Variants in ANO3 observed in about 807,000 individuals in gnomAD.
ANO3 encodes the protein anoctamin-3.
ANO3 carries 99 observed loss-of-function variants against 144.8 expected under a neutral mutation model. That is an observed-to-expected ratio of 0.68 (90% confidence interval 0.58 to 0.81). The LOEUF is 0.81. Ranked by LOEUF, ANO3 falls within the 30% of genes least tolerant of loss-of-function variation. The pLI is 0.00. For missense variants in ANO3, 905 were observed against 1,202.2 expected (o/e 0.75, Z 3.66); for synonymous variants, 414 against 392.6 (o/e 1.05, Z -0.64).
At chr11:26,300,309 T>G (rs1248672414) in intron 1 of ANO3, among the ~76,000 whole-genome samples, 1 of 152,034 alleles carries the variant, frequency 6.6e-6, no homozygotes, top group East Asian at 1.9e-4. Context: ...TTGTTTTACA[T>G]CTTTCCTATG....
intron 1 of ANO3, among the ~76,000 whole-genome samples, chr11:26,353,762 G>A (rs570379200): frequency 1.2e-4 from 19 of 152,156 alleles, no homozygotes; most frequent in Admixed American, 7.2e-4. Context: ...TAGAGACAGC[G>A]TTTCATCATG....
intron 1 of ANO3, among the ~76,000 whole-genome samples, chr11:26,324,274 A>T (rs1854831308): frequency 2.0e-5 from 3 of 152,146 alleles, no homozygotes; most frequent in Non-Finnish European, 4.4e-5. Flanking sequence ...ATGTTTGTGG[A>T]GCTGGGCATA....
chr11:26,612,440 T>G (rs1053026173), intron 17 of ANO3, among the ~76,000 whole-genome samples: 5 of 151,522 alleles, frequency 3.3e-5, no homozygotes, highest in Admixed American at 6.6e-5. Flanking sequence ...TACTTCTTCA[T>G]CTATTAGGTG....
At chr11:26,386,557 T>C (rs1318552897) in intron 1 of ANO3, among the ~76,000 whole-genome samples, 1 of 152,178 alleles carries the variant, frequency 6.6e-6, no homozygotes, top group Non-Finnish European at 1.5e-5. Context: ...TATATTCGCA[T>C]CACCATGTTG....
intron 1 of ANO3, among the ~76,000 whole-genome samples, chr11:26,211,729 A>C (rs11029392): frequency 0.049 from 7,428 of 152,292 alleles, 583 homozygotes; most frequent in African/African-American, 0.17. Flanking sequence ...CCAGAGGATT[A>C]TAAATCATTC....
intron 14 of ANO3, among the ~76,000 whole-genome samples, chr11:26,585,993 T>C (rs993832821): frequency 1.2e-4 from 18 of 152,206 alleles, no homozygotes; most frequent in African/African-American, 4.1e-4. Flanking sequence ...AATGACAGCA[T>C]TATTTCTCCT....
At position 26,483,731 on chromosome 11, in the gene ANO3, G is replaced by A. The variant is rs562772060; in HGVS notation, c.432+20583G>A. 3.3e-5 allele frequency among the ~76,000 whole-genome samples: 5 copies of A among 152,254 alleles called. No individual in the cohort carries two copies. The South Asian group carries it at 1.0e-3, about 32-fold the overall frequency. On this transcript the variant is annotated intron_variant, in intron 4 of 26. Transcript: ENST00000256737. Reference sequence around the variant, plus strand: ...ACAGAAAATTGGTGCTGGGAGGTGGGGCATTGCTATAAATATACCTGAAAA... The same window carrying A: ...ACAGAAAATTGGTGCTGGGAGGTGGAGCATTGCTATAAATATACCTGAAAA...
At chr11:26,360,126 T>G (rs2133923412) in intron 1 of ANO3, among the ~76,000 whole-genome samples, 1 of 151,066 alleles carries the variant, frequency 6.6e-6, no homozygotes, top group African/African-American at 2.4e-5. Context: ...GAATTTTCAT[T>G]GACATTTTTT....
intron 1 of ANO3, among the ~76,000 whole-genome samples, chr11:26,411,935 G>T (rs936740348): frequency 1.2e-4 from 18 of 152,078 alleles, no homozygotes; most frequent in African/African-American, 3.9e-4. Flanking sequence ...GGCCAGTAAA[G>T]TGGGCACCTC....
chr11:26,521,417 T>C (rs1305374513), intron 6 of ANO3, among the ~76,000 whole-genome samples: 2 of 152,212 alleles, frequency 1.3e-5, no homozygotes, highest in Admixed American at 6.5e-5. Flanking sequence ...CAAGTTCTTT[T>C]CTTCCTCCTT....
intron 4 of ANO3, among the ~76,000 whole-genome samples, chr11:26,477,902 G>C (rs1331587604): frequency 3.9e-5 from 6 of 152,234 alleles, no homozygotes; most frequent in African/African-American, 1.2e-4. Context: ...ACAGATATAT[G>C]AACAGGGATA....
intron 1 of ANO3, among the ~76,000 whole-genome samples, chr11:26,246,747 G>A (rs1036811328): frequency 6.6e-6 from 1 of 151,992 alleles, no homozygotes; most frequent in Non-Finnish European, 1.5e-5. Flanking sequence ...ATGGGGGTGG[G>A]TTTTTCCTGT....
intron 17 of ANO3, among the ~76,000 whole-genome samples, chr11:26,615,153 G>A (rs114551989): frequency 0.01 from 1,519 of 148,396 alleles, 38 homozygotes; most frequent in African/African-American, 0.036. Context: ...AACAAATTAG[G>A]AATGAAATGC....
At chr11:26,591,434 C>T (rs3937884) in intron 14 of ANO3, among the ~76,000 whole-genome samples, 1 of 151,904 alleles carries the variant, frequency 6.6e-6, no homozygotes, top group African/African-American at 2.4e-5. Context: ...TTTGAAGAAC[C>T]ATTTGTAGTT....
chr11:26,558,390 CT>C (rs1850152208), intron 13 of ANO3, among the ~76,000 whole-genome samples: 1 of 152,092 alleles, frequency 6.6e-6, no homozygotes, highest in Non-Finnish European at 1.5e-5. Context: ...AGCTGTTCAG[CT>C]GTTCAGCAGC....
intron 1 of ANO3, among the ~76,000 whole-genome samples, chr11:26,429,604 A>C (rs1392583553): frequency 6.6e-6 from 1 of 152,266 alleles, no homozygotes; most frequent in East Asian, 1.9e-4. Flanking sequence ...TAAAAGAATA[A>C]AACATTTAGA....
rs780941065 is a variant in ANO3, at chr11:26,267,040, C to A, written c.155-42605C>A. Among the ~76,000 whole-genome samples the A allele has an allele frequency of 2.0e-5, 3 of 149,988 alleles. No homozygotes were observed. In the East Asian group the frequency reaches 6.0e-4, roughly 30 times the overall value. Reference sequence around the variant, plus strand: ...CCTGGAGGCAGAGCTTGCAGTCAGCCGAGATCGCGCCACTGCACTCTAGCC... The same window carrying A: ...CCTGGAGGCAGAGCTTGCAGTCAGCAGAGATCGCGCCACTGCACTCTAGCC... On this transcript the variant is annotated intron_variant, in intron 1 of 27. Coordinates refer to the ANO3 transcript ENST00000672621.
chr11:26,457,833 CTATT>C (rs199509260), intron 3 of ANO3, among the ~76,000 whole-genome samples: 6,326 of 152,090 alleles, frequency 0.042, 185 homozygotes, highest in African/African-American at 0.078. Context: ...AGCAAGAGTT[CTATT>C]TGTCATAATC....
chr11:26,221,322 A>C (rs918294499), intron 1 of ANO3, among the ~76,000 whole-genome samples: 1 of 152,180 alleles, frequency 6.6e-6, no homozygotes, highest in Non-Finnish European at 1.5e-5. Flanking sequence ...ACTTGTGTAC[A>C]CTGTGGCATA....
Sources: gnomAD v4.1 joint callset for allele counts (sites outside exome capture counted in the v4.1 genomes callset) on GRCh38, gnomAD v4.1.1 for gene constraint, MANE v1.5 for transcripts, NCBI Gene and HGNC (gene_info 2026-07-23, HGNC 2026-07-21) for gene names.